Variants in GDA observed in about 807,000 individuals in gnomAD.
GDA encodes the protein guanine deaminase, also known as cytoplasmic PSD-95 interactor.
In GDA, 18 loss-of-function variants were observed where a neutral mutation model predicts 59.6. The ratio of observed to expected loss-of-function variants is 0.30; its 90% CI spans 0.21 to 0.45. The LOEUF is 0.45. Among genes scored for constraint, GDA ranks in the 20% least tolerant of loss-of-function variants. The probability of loss-of-function intolerance (pLI) is 1.00; values close to 1 mark genes in which losing one functional copy is unlikely to be tolerated. For synonymous variants in GDA, 201 were observed against 201.1 expected, an observed-to-expected ratio of 1.00 and a Z score of 0.00; for missense variants, 427 against 552.3, an observed-to-expected ratio of 0.77 and a Z score of 2.27.
At chr9:72,117,606 C>G (rs1825500982) in intron 1 of GDA, among the ~76,000 whole-genome samples, 1 of 152,166 alleles carries the variant, frequency 6.6e-6, no homozygotes, top group Non-Finnish European at 1.5e-5. Flanking sequence ...AAGAGATGCT[C>G]TCTTTCTGTG....
chr9:72,223,995 C>T (rs1564119882), intron 7 of GDA, among the ~76,000 whole-genome samples: 1 of 152,124 alleles, frequency 6.6e-6, no homozygotes, highest in South Asian at 2.1e-4. Flanking sequence ...ATTAACCGCT[C>T]TCACCTTCCC....
chr9:72,175,476 C>A (rs1000086604), intron 1 of GDA, among the ~76,000 whole-genome samples: 1 of 152,166 alleles, frequency 6.6e-6, no homozygotes, highest in Non-Finnish European at 1.5e-5. Context: ...CTGTTTTGGA[C>A]CTGTTGACTT....
At chr9:72,202,962 C>T (rs1834196758) in intron 3 of GDA, among the ~76,000 whole-genome samples, 1 of 152,198 alleles carries the variant, frequency 6.6e-6, no homozygotes, top group Admixed American at 6.5e-5. Context: ...TTCCAAAACC[C>T]CAATCTGGTG....
downstream of GDA, among the ~76,000 whole-genome samples, chr9:72,258,520 G>C (rs12001463): frequency 6.8e-3 from 1,043 of 152,284 alleles, 13 homozygotes; most frequent in African/African-American, 0.023. Context: ...AGTTACCACT[G>C]GGGGAGAGTC....
rs747530649 is a variant in GDA, at chr9:72,251,338, T to A, written c.*2996T>A. The A allele has an allele frequency of 9.1e-4, 142 of 156,228 alleles. 2 individuals are homozygous for A. Among genetic ancestry groups the A allele is most frequent in the Non-Finnish European group, 9.9e-5 (7 of 70,768 alleles). 9.7% of individuals were successfully genotyped at this position (156,228 alleles called of 1,614,324 possible). ...TTTGAATCTTCACTCCCTACCAGGCTCTTCCTATTTTTAATCTCTTCACCT... is the reference window on the plus strand; with the variant it reads ...TTTGAATCTTCACTCCCTACCAGGCACTTCCTATTTTTAATCTCTTCACCT... On this transcript the variant is annotated 3_prime_UTR_variant, in exon 14 of 14. Transcript: ENST00000358399.
In GDA at chr9:72,128,964, T is replaced by A. The variant is rs554808267; in HGVS notation, c.-100+14131T>A. Among the ~76,000 whole-genome samples the A allele has an allele frequency of 9.5e-5, 14 of 147,146 alleles. No individual in the cohort carries two copies. In the South Asian group the frequency reaches 3.3e-3, roughly 35 times the overall value. ...GAATAAAATTACTCCAATTTTTTCT[T>A]TCTTTTCTTTTTTTTTTTGACAGAG... On this transcript the variant is annotated intron_variant, in intron 1 of 13. Transcript: ENST00000545168.
intron 2 of GDA, among the ~76,000 whole-genome samples, chr9:72,200,190 G>T (rs1170471172): frequency 1.3e-5 from 2 of 151,876 alleles, no homozygotes; most frequent in Non-Finnish European, 2.9e-5. Context: ...TAGAGATGGG[G>T]TTTCACCGTG....
intron 11 of GDA, 112 bp from the exon 12 acceptor site, chr9:72,245,036 A>ATTT: frequency 2.6e-6 from 2 of 766,266 alleles, no homozygotes; most frequent in Non-Finnish European, 2.1e-6. Flanking sequence ...TAAGATACTA[A>ATTT]TTTTTTTTTT....
intron 3 of GDA, among the ~76,000 whole-genome samples, chr9:72,208,322 C>G (rs746042612): frequency 2.0e-5 from 3 of 152,182 alleles, no homozygotes; most frequent in Admixed American, 2.0e-4. Context: ...GGTCACGTAG[C>G]TAATAACAGG....
chr9:72,176,537 G>T (rs895027058), intron 1 of GDA, among the ~76,000 whole-genome samples: 1 of 152,152 alleles, frequency 6.6e-6, no homozygotes, highest in African/African-American at 2.4e-5. Context: ...CCCTGTGTAG[G>T]AATTAATTTC....
chr9:72,232,176 G>A (rs1194171451), intron 10 of GDA, among the ~76,000 whole-genome samples: 4 of 152,178 alleles, frequency 2.6e-5, no homozygotes, highest in Non-Finnish European at 4.4e-5. Flanking sequence ...TATGGGGCAG[G>A]AGGACGTGTT....
At chr9:72,231,880 G>A (rs1222158394) in intron 10 of GDA, among the ~76,000 whole-genome samples, 1 of 152,222 alleles carries the variant, frequency 6.6e-6, no homozygotes, top group Non-Finnish European at 1.5e-5. Flanking sequence ...GAATTCGGAT[G>A]TATGTTAAGA....
intron 1 of GDA, among the ~76,000 whole-genome samples, chr9:72,191,307 A>C (rs1212086821): frequency 1.3e-5 from 2 of 152,110 alleles, no homozygotes; most frequent in Middle Eastern, 3.2e-3. Flanking sequence ...TGCAGCCCAG[A>C]AAAAGGGAAA....
At chr9:72,126,405 CT>C (rs1825848817) in intron 1 of GDA, among the ~76,000 whole-genome samples, 1 of 152,158 alleles carries the variant, frequency 6.6e-6, no homozygotes, top group Non-Finnish European at 1.5e-5. Flanking sequence ...AACTCACAGA[CT>C]TGCCAGATGT....
chr9:72,178,439 TG>T (rs1830788792), intron 1 of GDA, among the ~76,000 whole-genome samples: 1 of 141,126 alleles, frequency 7.1e-6, no homozygotes, highest in South Asian at 2.2e-4. Context: ...TTTTTTGAGA[TG>T]GAGTTTCACT....
intron 1 of GDA, among the ~76,000 whole-genome samples, chr9:72,150,116 G>A (rs1826999390): frequency 6.6e-6 from 1 of 152,212 alleles, no homozygotes; most frequent in South Asian, 2.1e-4. Flanking sequence ...AAAGAAATAA[G>A]AGGAGGGGGT....
chr9:72,195,562 G>T lies in GDA; in HGVS notation c.186G>T (p.Pro62=). Residue 62 remains proline (P), a synonymous_variant, in exon 2 of 14, where the codon CCG becomes CCT. Transcript: ENST00000358399. ...EKLAKEWCFK[P]CEIRELSHHE... ...TGGCCAAAGAATGGTGCTTCAAGCC[G>T]TGTGAAATAAGAGAACTGAGCCACC... 6.4e-7 allele frequency: 1 copy of T among 1,568,878 alleles called. No individual in the cohort carries two copies. The highest frequency in any genetic ancestry group is 8.7e-7 in the Non-Finnish European group (1 of 1,148,102).
At chr9:72,171,999 T>C (rs953425425) in intron 1 of GDA, among the ~76,000 whole-genome samples, 50 of 152,216 alleles carry the variant, frequency 3.3e-4, no homozygotes, top group Non-Finnish European at 6.2e-4. Context: ...AGCTGATACA[T>C]GCTACATGAG....
intron 1 of GDA, among the ~76,000 whole-genome samples, chr9:72,187,048 C>T (rs1445004264): frequency 6.6e-6 from 1 of 152,166 alleles, no homozygotes; most frequent in Non-Finnish European, 1.5e-5. Flanking sequence ...TTCATATACA[C>T]TTAATGCATA....
Sources: allele counts gnomAD v4.1 joint callset (sites outside exome capture counted in the v4.1 genomes callset), GRCh38; gene constraint gnomAD v4.1.1; transcripts MANE v1.5; gene names NCBI Gene and HGNC (gene_info 2026-07-23, HGNC 2026-07-21).